MNAT1: variants seen among roughly 807,000 people sequenced by gnomAD.
The protein encoded by MNAT1 is CDK-activating kinase assembly factor MAT1.
A neutral mutation model predicts 42.0 loss-of-function variants in MNAT1; 43 were observed. That is an observed-to-expected ratio of 1.02 (90% CI 0.80 to 1.32). The LOEUF is 1.32. Among genes scored for constraint, MNAT1 ranks in the 40% most tolerant of loss-of-function variants. The pLI is 0.00. For missense variants in MNAT1, 306 were observed against 350.4 expected, an observed-to-expected ratio of 0.87 and a Z score of 1.01; for synonymous variants, 118 against 120.0, an observed-to-expected ratio of 0.98 and a Z score of 0.11.
chr14:60,914,265 GC>G (rs1228821707), intron 7 of MNAT1, among the ~76,000 whole-genome samples: 1 of 152,216 alleles, frequency 6.6e-6, no homozygotes, highest in Non-Finnish European at 1.5e-5. Flanking sequence ...CTGACCCCTT[GC>G]GCTTCCCGGG....
At chr14:60,915,949 G>A (rs1029761267) in intron 7 of MNAT1, among the ~76,000 whole-genome samples, 1 of 152,174 alleles carries the variant, frequency 6.6e-6, no homozygotes, top group Non-Finnish European at 1.5e-5. Flanking sequence ...TACCAGAGCG[G>A]GAGAGGAGTT....
chr14:60,966,549 G>A (rs562280281), intron 7 of MNAT1, among the ~76,000 whole-genome samples: 2 of 152,196 alleles, frequency 1.3e-5, no homozygotes, highest in Non-Finnish European at 2.9e-5. Context: ...GTCTCGCTGT[G>A]TCACCCAGGC....
At chr14:60,906,610 G>A (rs2351538) in intron 7 of MNAT1, among the ~76,000 whole-genome samples, 138,248 of 152,212 alleles carry the variant, frequency 0.91, 63,600 homozygotes, top group Non-Finnish European at 0.99. Context: ...TTACTTCCAA[G>A]GTTTTTATCT....
chr14:60,928,455 G>A lies in MNAT1; in HGVS notation c.810-39774G>A, dbSNP rs532332709. Among the ~76,000 whole-genome samples the A allele has an allele frequency of 2.7e-4, 41 of 152,270 alleles. No individual in the cohort carries two copies. The South Asian group carries it at 4.6e-3, about 17-fold the overall frequency. On this transcript the variant is annotated intron_variant, in intron 7 of 7. Coordinates refer to ENST00000261245, the MANE Select transcript of MNAT1 (RefSeq NM_002431.4). Reference sequence around the variant, plus strand: ...TGCCAAACTGTTTTATAAAGTGGCTGTACATTTTACATTCCTACTGGCATG... The same window carrying A: ...TGCCAAACTGTTTTATAAAGTGGCTATACATTTTACATTCCTACTGGCATG...
rs151039893 is a variant in MNAT1, at chr14:60,921,255, C to T, written c.809+41420C>T. ...AATATAATGTATTAAGACATGTTAG[C>T]GTTTTCTCTTGAGGTCTCTCCCAGT... On this transcript the variant is annotated intron_variant, in intron 7 of 7. Coordinates refer to ENST00000261245, the MANE Select transcript of MNAT1 (RefSeq NM_002431.4). Among the ~76,000 whole-genome samples, 767 of 152,170 alleles carry T rather than the reference C, an allele frequency of 5.0e-3. 8 individuals are homozygous for T. The highest frequency in any genetic ancestry group is 0.017 in the African/African-American group (705 of 41,532).
At chr14:60,885,567 G>T (rs748435662) in intron 7 of MNAT1, among the ~76,000 whole-genome samples, 5 of 152,148 alleles carry the variant, frequency 3.3e-5, no homozygotes, top group Non-Finnish European at 5.9e-5. Context: ...TTGGGGAAAT[G>T]ACTATTCAGG....
At chr14:60,860,944 T>G (rs1297320699) in intron 6 of MNAT1, among the ~76,000 whole-genome samples, 1 of 152,218 alleles carries the variant, frequency 6.6e-6, no homozygotes, top group Non-Finnish European at 1.5e-5. Flanking sequence ...TTGGGTATTA[T>G]GGAAATCTTG....
intron 7 of MNAT1, among the ~76,000 whole-genome samples, chr14:60,937,302 A>T (rs1448749346): frequency 2.6e-5 from 4 of 152,198 alleles, no homozygotes; most frequent in Non-Finnish European, 5.9e-5. Flanking sequence ...GTCCTTGCCC[A>T]TGCCTATGTC....
chr14:60,961,321 G>A (rs1311950916), intron 7 of MNAT1, among the ~76,000 whole-genome samples: 1 of 152,146 alleles, frequency 6.6e-6, no homozygotes, highest in African/African-American at 2.4e-5. Context: ...AAAATCCACA[G>A]TTTTTAAACA....
At chr14:60,914,684 T>C (rs2035473274) in intron 7 of MNAT1, among the ~76,000 whole-genome samples, 1 of 152,212 alleles carries the variant, frequency 6.6e-6, no homozygotes, top group Non-Finnish European at 1.5e-5. Context: ...AATTTAGTCA[T>C]AAAAAATTCT....
chr14:60,921,459 G>A (rs896146889), intron 7 of MNAT1, among the ~76,000 whole-genome samples: 20 of 152,048 alleles, frequency 1.3e-4, no homozygotes, highest in Non-Finnish European at 2.6e-4. Flanking sequence ...TAAGCCATAA[G>A]TGGTCTCTGT....
chr14:60,770,860 A>G (rs371355645), intron 1 of MNAT1, among the ~76,000 whole-genome samples: 3 of 152,238 alleles, frequency 2.0e-5, no homozygotes, highest in East Asian at 3.8e-4. Flanking sequence ...GTTAATGCAC[A>G]TAGTTGTAAT....
intron 7 of MNAT1, among the ~76,000 whole-genome samples, chr14:60,937,330 G>T (rs1294342520): frequency 6.6e-6 from 1 of 152,146 alleles, no homozygotes; most frequent in Non-Finnish European, 1.5e-5. Flanking sequence ...GTATTGCCTA[G>T]ATTTTCTTCT....
intron 6 of MNAT1, among the ~76,000 whole-genome samples, chr14:60,858,748 A>T (rs1018582173): frequency 1.2e-4 from 19 of 152,210 alleles, no homozygotes; most frequent in African/African-American, 4.3e-4. Flanking sequence ...AGCCATCAAC[A>T]TCCAGACAAG....
At chr14:60,868,800 CTG>C (rs777601741) in intron 6 of MNAT1, among the ~76,000 whole-genome samples, 14 of 151,926 alleles carry the variant, frequency 9.2e-5, no homozygotes, top group Admixed American at 5.2e-4. Context: ...CATCCATTGA[CTG>C]TAATGAATAA....
chr14:60,899,822 T>C (rs975299323), intron 7 of MNAT1, among the ~76,000 whole-genome samples: 3 of 152,234 alleles, frequency 2.0e-5, no homozygotes, highest in Non-Finnish European at 4.4e-5. Flanking sequence ...ATATCAATGC[T>C]GTTTTTCCAA....
intron 7 of MNAT1, among the ~76,000 whole-genome samples, chr14:60,939,043 A>G (rs2036075163): frequency 6.6e-6 from 1 of 152,086 alleles, no homozygotes; most frequent in Non-Finnish European, 1.5e-5. Flanking sequence ...GTATTCTCTG[A>G]TGGTAGTTTG....
At chr14:60,750,190 T>G (rs1023198202) in intron 1 of MNAT1, among the ~76,000 whole-genome samples, 1 of 152,118 alleles carries the variant, frequency 6.6e-6, no homozygotes, top group African/African-American at 2.4e-5. Context: ...GTCTTAGTTC[T>G]TCTTTTGAGT....
intron 1 of MNAT1, among the ~76,000 whole-genome samples, chr14:60,784,076 G>A (rs2031557198): frequency 6.6e-6 from 1 of 151,042 alleles, no homozygotes; most frequent in Admixed American, 6.6e-5. Context: ...ACACAATCTC[G>A]GCTCACTGCA....
Sources: gnomAD v4.1 joint callset for allele counts (sites outside exome capture counted in the v4.1 genomes callset) on GRCh38, gnomAD v4.1.1 for gene constraint, MANE v1.5 for transcripts, NCBI Gene and HGNC (gene_info 2026-07-23, HGNC 2026-07-21) for gene names.